USH2A: variants seen among roughly 807,000 people sequenced by gnomAD.
The protein encoded by USH2A is Usher syndrome 2A (autosomal recessive, mild).
A neutral mutation model predicts 538.9 loss-of-function variants in USH2A; 443 were observed. The observed-to-expected ratio is 0.82, with a 90% CI of 0.76 to 0.89. The LOEUF is 0.89. Among genes scored for constraint, USH2A ranks in the 40% least tolerant of loss-of-function variants. USH2A has a pLI of 0.00. For synonymous variants in USH2A, 2,413 were observed against 2,273.5 expected (o/e 1.06, Z -1.75); for missense variants, 6,633 against 6,324.8 (o/e 1.05, Z -1.65).
rs1474025255 is a variant in USH2A, at chr1:215,879,013, T to C, written c.8309A>G (p.Asn2770Ser). The C allele has an allele frequency of 6.2e-7, 1 of 1,613,976 alleles. No individual in the cohort carries two copies. Among genetic ancestry groups the C allele is most frequent in the Non-Finnish European group, 8.5e-7 (1 of 1,179,936 alleles). ...TTGACTTAACACTGCGGAAGTCACA[T>C]TGGTTAAAGTGATGTGAGGGTCAGG... Reference protein sequence around the residue: ...HMPDPHITLTNVTSAVLSQKV... With the variant: ...HMPDPHITLTSVTSAVLSQKV... Residue 2770 changes from asparagine (N) to serine (S), a missense_variant, in exon 42 of 72, where the codon AAT becomes AGT. Asn to Ser is a conservative substitution (Grantham distance 46). Coordinates refer to ENST00000307340, the MANE Select transcript of USH2A (RefSeq NM_206933.4).
In USH2A at chr1:215,999,036, T is replaced by A. The variant is rs1011137146; in HGVS notation, c.6508A>T (p.Ser2170Cys). The A allele has an allele frequency of 1.2e-6, 2 of 1,612,470 alleles. No homozygotes were observed. The highest frequency in any genetic ancestry group is 2.2e-5 in the South Asian group (2 of 90,980). ...AATACATAGCGTTCCAGAATCCCAC[T>A]TATTTTTCTTGGTTGTTTCCACCTG... ...HIQWKQPRKI[S>C]GILERYVLYM... Residue 2170 changes from serine (S) to cysteine (C), a missense_variant, in exon 34 of 72, where the codon AGT (serine) becomes TGT (cysteine). By Grantham distance (112) the Ser-to-Cys change is moderately radical. Transcript: ENST00000307340.
chr1:216,063,530 A>G (rs1257672925), intron 30 of USH2A, among the ~76,000 whole-genome samples: 1 of 152,222 alleles, frequency 6.6e-6, no homozygotes. Context: ...AAAAAAAATC[A>G]AAGAATTCAT....
rs397518032 is a variant in USH2A, at chr1:215,888,805, T to C, written c.7844A>G (p.Gln2615Arg). 1.9e-6 allele frequency: 3 copies of C among 1,614,122 alleles called. No homozygotes were observed. The highest frequency in any genetic ancestry group is 3.3e-4 in the Middle Eastern group (2 of 6,062). ...TGCCCCTGGGAGTGTCCATACAGTC[T>C]GGGACTCTGGTGAAAGGGAACATCC... Reference protein sequence around the residue: ...SKGCSLSPESQTVWTLPGAPE... With the variant: ...SKGCSLSPESRTVWTLPGAPE... The change falls in exon 41 of 72, where the codon CAG (glutamine) becomes CGG (arginine). Residue 2615 changes from glutamine to arginine, a missense_variant. Physicochemically the swap from Gln to Arg is conservative, Grantham distance 43. Transcript: ENST00000307340.
At chr1:215,866,036 A>G (rs1329054945) in intron 44 of USH2A, among the ~76,000 whole-genome samples, 2 of 152,192 alleles carry the variant, frequency 1.3e-5, no homozygotes, top group Non-Finnish European at 2.9e-5. Flanking sequence ...TATCATCAAT[A>G]GATGATTACC....
At chr1:215,972,476 C>T (rs1243506337) in intron 35 of USH2A, among the ~76,000 whole-genome samples, 2 of 152,150 alleles carry the variant, frequency 1.3e-5, no homozygotes, top group Admixed American at 6.6e-5. Context: ...GTACCTGCCA[C>T]CTTTCCCTTT....
chr1:215,737,643 A>G (rs1472945646), intron 60 of USH2A, among the ~76,000 whole-genome samples: 1 of 151,950 alleles, frequency 6.6e-6, no homozygotes, highest in Non-Finnish European at 1.5e-5. Context: ...GTAGATATGT[A>G]CATGTATGGA....
rs140314296 is a variant in USH2A, at chr1:216,213,424, G to T, written c.3157+3963C>A. On this transcript the variant is annotated intron_variant, in intron 15 of 71. Coordinates refer to ENST00000307340, the MANE Select transcript of USH2A (RefSeq NM_206933.4). ...TCTTTCATTATTGAATATGATGTTAGCTATGGGGTCAACTGCATTTTTGCA... is the reference window on the plus strand; with the variant it reads ...TCTTTCATTATTGAATATGATGTTATCTATGGGGTCAACTGCATTTTTGCA... 5.8e-3 allele frequency among the ~76,000 whole-genome samples: 876 copies of T among 152,044 alleles called. 7 individuals are homozygous for T. Among genetic ancestry groups the T allele is most frequent in the Non-Finnish European group, 9.1e-3 (618 of 67,934 alleles).
chr1:216,013,346 G>A (rs1459781005), intron 32 of USH2A, among the ~76,000 whole-genome samples: 1 of 151,040 alleles, frequency 6.6e-6, no homozygotes, highest in Non-Finnish European at 1.5e-5. Flanking sequence ...GCTCGAAGCA[G>A]CCCTGAGAAA....
chr1:216,181,464 T>A (rs1278290751), intron 20 of USH2A, among the ~76,000 whole-genome samples: 1 of 152,092 alleles, frequency 6.6e-6, no homozygotes, highest in Non-Finnish European at 1.5e-5. Flanking sequence ...ACAAATATGA[T>A]TTGTCTATGT....
chr1:215,628,212 A>G (rs913027614), intron 71 of USH2A, among the ~76,000 whole-genome samples: 5 of 152,206 alleles, frequency 3.3e-5, no homozygotes, highest in Admixed American at 1.3e-4. Context: ...CTTGTATTTT[A>G]TGCCTTGTTT....
intron 3 of USH2A, among the ~76,000 whole-genome samples, chr1:216,402,000 A>G (rs1299100679): frequency 6.6e-6 from 1 of 152,136 alleles, no homozygotes; most frequent in Non-Finnish European, 1.5e-5. Flanking sequence ...ACTCTTAAAT[A>G]ATGACTAAAA....
chr1:215,648,444 A>G, intron 66 of USH2A, 84 bp downstream of exon 66: 1 of 1,414,382 alleles, frequency 7.1e-7, no homozygotes, highest in Non-Finnish European at 1.0e-6. Context: ...TTTGTAGCCT[A>G]GGTGCAGAGT....
chr1:216,021,727 A>AG (rs1372113956), intron 32 of USH2A, among the ~76,000 whole-genome samples: 5 of 152,132 alleles, frequency 3.3e-5, no homozygotes, highest in African/African-American at 4.8e-5. Context: ...GAGAACCCTA[A>AG]TGGAACATCT....
chr1:216,302,162 T>G (rs2037227933), intron 9 of USH2A, among the ~76,000 whole-genome samples: 1 of 152,230 alleles, frequency 6.6e-6, no homozygotes. Context: ...ACAGATAAAG[T>G]GCCCAACTAC....
Position 216,325,579 on chromosome 1 carries a change from G to T in USH2A, c.869C>A (p.Ser290Tyr). 1 of 1,613,258 alleles carries T rather than the reference G, an allele frequency of 6.2e-7. No homozygotes were observed. Among genetic ancestry groups the T allele is most frequent in the East Asian group, 2.2e-5 (1 of 44,732 alleles). Reference sequence around the variant, plus strand: ...GGCATGCAATCTGAGAAGATCTCCAGAGAAGACTTCCAGAATCTCTCTGTG... The same window carrying T: ...GGCATGCAATCTGAGAAGATCTCCATAGAAGACTTCCAGAATCTCTCTGTG... ...LTNREILEVFSGDLLRLHAQS... is the reference protein window; with the variant it reads ...LTNREILEVFYGDLLRLHAQS... Residue 290 changes from serine (S) to tyrosine (Y), a missense_variant, in exon 6 of 72, where the codon TCT becomes TAT. By Grantham distance (144) the Ser-to-Tyr change is moderately radical. Coordinates refer to ENST00000307340, the MANE Select transcript of USH2A (RefSeq NM_206933.4).
chr1:216,364,857 A>C (rs2038563885), intron 4 of USH2A, 96 bp downstream of exon 4: 1 of 1,484,706 alleles, frequency 6.7e-7, no homozygotes, highest in African/African-American at 1.4e-5. Flanking sequence ...TAGAAGATGA[A>C]TACACGTAGA....
At chr1:216,262,441 G>C (rs1211275473) in intron 11 of USH2A, among the ~76,000 whole-genome samples, 2 of 151,740 alleles carry the variant, frequency 1.3e-5, no homozygotes, top group African/African-American at 2.4e-5. Context: ...ATACAATCAA[G>C]AGTTTTGACA....
rs77349208 is a variant in USH2A, at chr1:216,403,513, T to C, written c.651+15001A>G. On this transcript the variant is annotated intron_variant, in intron 3 of 71. Transcript: ENST00000307340. Reference sequence around the variant, plus strand: ...CAAATTCAGATGTCATGATTGTCTATGTAGAAAATTCCAACAAATAAAGAA... The same window carrying C: ...CAAATTCAGATGTCATGATTGTCTACGTAGAAAATTCCAACAAATAAAGAA... Among the ~76,000 whole-genome samples the C allele has an allele frequency of 3.9e-3, 588 of 152,262 alleles. 5 individuals are homozygous for C. The highest frequency in any genetic ancestry group is 0.014 in the African/African-American group (568 of 41,548).
intron 2 of USH2A, among the ~76,000 whole-genome samples, chr1:216,419,559 G>A (rs377236932): frequency 6.6e-5 from 10 of 152,076 alleles, no homozygotes; most frequent in Admixed American, 2.6e-4. Flanking sequence ...AGGGTCGGTT[G>A]AGGGGTCTCA....
Sources: allele counts gnomAD v4.1 joint callset (sites outside exome capture counted in the v4.1 genomes callset), GRCh38; gene constraint gnomAD v4.1.1; transcripts MANE v1.5; gene names NCBI Gene and HGNC (gene_info 2026-07-23, HGNC 2026-07-21).